Variants in TMEM117 observed in about 807,000 individuals in gnomAD.
The protein encoded by TMEM117 is transmembrane protein 117.
In TMEM117, 27 loss-of-function variants were observed where a neutral mutation model predicts 52.4. The observed-to-expected ratio is 0.51, with a 90% CI of 0.38 to 0.71. The LOEUF (loss-of-function observed/expected upper bound fraction) is 0.71. Among genes scored for constraint, TMEM117 ranks in the 30% least tolerant of loss-of-function variants. The pLI is 0.00. For synonymous variants in TMEM117, 215 were observed against 206.3 expected (o/e 1.04, Z -0.36); for missense variants, 556 against 630.5 (o/e 0.88, Z 1.26).
intron 5 of TMEM117, among the ~76,000 whole-genome samples, chr12:44,212,212 C>T (rs1171542666): frequency 6.6e-6 from 1 of 152,106 alleles, no homozygotes; most frequent in African/African-American, 2.4e-5. Flanking sequence ...AAATTGTGTG[C>T]TGTTCTGAGT....
intron 6 of TMEM117, among the ~76,000 whole-genome samples, chr12:44,314,227 G>A (rs932698931): frequency 1.3e-5 from 2 of 152,108 alleles, no homozygotes; most frequent in Non-Finnish European, 2.9e-5. Context: ...GATGTTGACT[G>A]TAGATTTTTT....
intron 3 of TMEM117, among the ~76,000 whole-genome samples, chr12:44,130,543 T>C (rs560812747): frequency 6.6e-6 from 1 of 152,290 alleles, no homozygotes; most frequent in African/African-American, 2.4e-5. Context: ...TTTGACTTCT[T>C]TTCTGTGACA....
chr12:43,815,431 A>C, the TMEM117 span, among the ~76,000 whole-genome samples: 5 of 152,206 alleles, frequency 3.3e-5, no homozygotes, highest in East Asian at 9.6e-4. Flanking sequence ...TGTCAATAGA[A>C]TACCCCAGTA....
chr12:44,363,137 C>G (rs1258029061), intron 6 of TMEM117, among the ~76,000 whole-genome samples: 1 of 152,190 alleles, frequency 6.6e-6, no homozygotes, highest in Non-Finnish European at 1.5e-5. Context: ...TGGGACTGGA[C>G]AGACCTAGGT....
intron 2 of TMEM117, among the ~76,000 whole-genome samples, chr12:43,931,564 G>A (rs991929556): frequency 4.6e-5 from 7 of 152,158 alleles, no homozygotes; most frequent in South Asian, 2.1e-4. Context: ...AGAAATGCCC[G>A]TGTGTAAATT....
intron 2 of TMEM117, among the ~76,000 whole-genome samples, chr12:43,872,599 A>T (rs1743129985): frequency 6.6e-6 from 1 of 152,212 alleles, no homozygotes; most frequent in Non-Finnish European, 1.5e-5. Context: ...GAAGATCATA[A>T]ATCATTACAT....
At chr12:43,933,476 C>T (rs961175100) in intron 2 of TMEM117, among the ~76,000 whole-genome samples, 1 of 152,136 alleles carries the variant, frequency 6.6e-6, no homozygotes, top group Admixed American at 6.5e-5. Context: ...GCTGGGATTA[C>T]AGGCGTGAGC....
chr12:43,861,641 T>C (rs1359408047), intron 2 of TMEM117, among the ~76,000 whole-genome samples: 1 of 152,200 alleles, frequency 6.6e-6, no homozygotes. Context: ...GGAAGATCTT[T>C]AGATACAATA....
chr12:43,985,972 C>T (rs751513059), intron 3 of TMEM117, among the ~76,000 whole-genome samples: 2 of 152,134 alleles, frequency 1.3e-5, no homozygotes, highest in African/African-American at 2.4e-5. Flanking sequence ...AAATTGCAGT[C>T]CCACGTCTTG....
upstream of TMEM117, among the ~76,000 whole-genome samples, chr12:43,835,130 C>A (rs979790309): frequency 2.0e-5 from 3 of 152,126 alleles, no homozygotes; most frequent in Non-Finnish European, 4.4e-5. Flanking sequence ...GCTGTTAACA[C>A]GTTTTCAGCA....
chr12:44,039,658 T>A (rs1424689283), intron 3 of TMEM117, among the ~76,000 whole-genome samples: 1 of 152,050 alleles, frequency 6.6e-6, no homozygotes, highest in Non-Finnish European at 1.5e-5. Flanking sequence ...GGTTTTAATC[T>A]GTGAATGCGT....
chr12:43,815,837 A>G, the TMEM117 span, among the ~76,000 whole-genome samples: 1 of 152,216 alleles, frequency 6.6e-6, no homozygotes, highest in Admixed American at 6.5e-5. Context: ...ATTGAGACCC[A>G]ATAGCTGGCT....
At position 43,922,251 on chromosome 12, in the gene TMEM117, A is replaced by G. The variant is rs1004363731; in HGVS notation, c.278-21959A>G. 2.6e-5 allele frequency among the ~76,000 whole-genome samples: 4 copies of G among 152,058 alleles called. No homozygotes were observed. The East Asian group carries it at 5.8e-4, about 22-fold the overall frequency. On this transcript the variant is annotated intron_variant, in intron 2 of 7. Transcript: ENST00000266534. ...GCAATACGCGTGCAGTGGGTTCTCT[A>G]AATAGAAAGGGATATAACATTAGAA...
Position 44,340,267 on chromosome 12 carries a change from G to A in TMEM117, c.769-36328G>A, listed in dbSNP as rs533635413. Among the ~76,000 whole-genome samples the A allele has an allele frequency of 6.6e-5, 10 of 152,138 alleles. No individual in the cohort carries two copies. The South Asian group carries it at 1.7e-3, about 25-fold the overall frequency. On this transcript the variant is annotated intron_variant, in intron 6 of 7. Coordinates refer to ENST00000266534, the MANE Select transcript of TMEM117 (RefSeq NM_032256.3). ...GTAAATGCATGAAGGTAAAAAGTGA[G>A]TAAAGACTATAAAGAGAAAGTTGAT...
intron 3 of TMEM117, among the ~76,000 whole-genome samples, chr12:44,044,459 T>C (rs1014218941): frequency 1.3e-5 from 2 of 152,318 alleles, no homozygotes; most frequent in East Asian, 3.9e-4. Context: ...CCTGCCATAA[T>C]GTGGAGAATG....
At chr12:43,855,768 G>T (rs1394631797) in intron 2 of TMEM117, among the ~76,000 whole-genome samples, 1 of 152,138 alleles carries the variant, frequency 6.6e-6, no homozygotes, top group East Asian at 1.9e-4. Context: ...TTAATAAAGT[G>T]AAATGCCTGT....
the TMEM117 span, among the ~76,000 whole-genome samples, chr12:43,809,678 G>C: frequency 3.9e-5 from 6 of 152,236 alleles, no homozygotes; most frequent in South Asian, 1.2e-3. Context: ...CCACAATATC[G>C]CTGGGCCCTG....
chr12:43,977,179 G>C (rs1469956447), intron 3 of TMEM117, among the ~76,000 whole-genome samples: 1 of 152,172 alleles, frequency 6.6e-6, no homozygotes, highest in African/African-American at 2.4e-5. Flanking sequence ...AGTATAGCAA[G>C]GAACAGATTA....
chr12:43,813,522 T>A, the TMEM117 span, among the ~76,000 whole-genome samples: 32 of 151,920 alleles, frequency 2.1e-4, no homozygotes, highest in Non-Finnish European at 4.0e-4. Flanking sequence ...CCACCACACC[T>A]GGCCCTGAAC....
Sources: gnomAD v4.1 joint callset for allele counts (sites outside exome capture counted in the v4.1 genomes callset) on GRCh38, gnomAD v4.1.1 for gene constraint, MANE v1.5 for transcripts, NCBI Gene and HGNC (gene_info 2026-07-23, HGNC 2026-07-21) for gene names.